Variants in NALCN observed in about 807,000 individuals in gnomAD.
NALCN encodes the protein sodium leak channel NALCN.
A neutral mutation model predicts 225.3 loss-of-function variants in NALCN; 111 were observed. The ratio of observed to expected loss-of-function variants is 0.49; its 90% confidence interval spans 0.42 to 0.58. The LOEUF is 0.58. Ranked by LOEUF, NALCN falls within the 20% of genes least tolerant of loss-of-function variation. NALCN has a pLI of 0.00. For missense variants in NALCN, 1,378 were observed against 2,202.4 expected (o/e 0.63, Z 7.49); for synonymous variants, 764 against 769.0 (o/e 0.99, Z 0.11).
At chr13:101,065,256 G>C (rs749642167) in intron 40 of NALCN, 148 bp downstream of exon 40, 4 of 808,850 alleles carry the variant, frequency 4.9e-6, no homozygotes, top group Non-Finnish European at 7.9e-6. Context: ...GGCACTTAGC[G>C]CCTGGGACAT....
At chr13:101,094,715 C>T (rs539301364) in intron 28 of NALCN, among the ~76,000 whole-genome samples, 104 of 152,056 alleles carry the variant, frequency 6.8e-4, no homozygotes, top group East Asian at 1.4e-3. Context: ...TATTGGATTA[C>T]GTATAAAAGC....
At chr13:101,166,043 T>A (rs1006687446) in intron 15 of NALCN, among the ~76,000 whole-genome samples, 2 of 152,242 alleles carry the variant, frequency 1.3e-5, no homozygotes, top group African/African-American at 4.8e-5. Context: ...CATGATGTCC[T>A]CAAGGTTCAT....
chr13:101,057,673 T>C, intron 43 of NALCN: 1 of 459,660 alleles, frequency 2.2e-6, no homozygotes, highest in East Asian at 4.5e-5. Context: ...TCCCTCTTGC[T>C]GAATCTTGTC....
chr13:101,387,389 G>A lies in NALCN; in HGVS notation c.291+7794C>T, dbSNP rs150300866. ...CTATTCCTTAGAAATATTTTAGATG[G>A]AAATCAGTGAATATTAAACATTTCA... On this transcript the variant is annotated intron_variant, in intron 3 of 43. Transcript: ENST00000251127. Among the ~76,000 whole-genome samples the A allele has an allele frequency of 6.3e-3, 960 of 152,154 alleles. 9 individuals are homozygous for A. Among genetic ancestry groups the A allele is most frequent in the African/African-American group, 0.022 (912 of 41,500 alleles).
At chr13:101,214,177 G>C (rs12877605) in intron 13 of NALCN, among the ~76,000 whole-genome samples, 31,086 of 151,828 alleles carry the variant, frequency 0.2, 3,359 homozygotes, top group East Asian at 0.37. Context: ...CCATCATTCT[G>C]AGCAAACTAT....
At chr13:101,160,176 G>T (rs146893553) in intron 15 of NALCN, among the ~76,000 whole-genome samples, 1 of 152,054 alleles carries the variant, frequency 6.6e-6, no homozygotes, top group South Asian at 2.1e-4. Flanking sequence ...GGATGGTCTC[G>T]ATCTCCTGAC....
chr13:101,083,878 C>T lies in NALCN; in HGVS notation c.3490-74G>A, dbSNP rs937673056. On this transcript the variant is annotated intron_variant, in intron 30 of 43. Coordinates refer to ENST00000251127, the MANE Select transcript of NALCN (RefSeq NM_052867.4). ...ACCAAGAACATGGCAGATGGGGTGC[C>T]GAGACAAACAGGACTGATGTGAGGG... 2.1e-5 allele frequency: 30 copies of T among 1,402,542 alleles called. No homozygotes were observed. In the East Asian group the frequency reaches 2.8e-4, roughly 13 times the overall value. 86.9% of individuals were successfully genotyped at this position (1,402,542 alleles called of 1,614,324 possible).
chr13:101,176,434 A>G, intron 14 of NALCN, 60 bp from the exon 15 acceptor site: 3 of 1,244,020 alleles, frequency 2.4e-6, no homozygotes. Context: ...AAAATATTAT[A>G]TGTATAATAT....
At chr13:101,293,586 T>G (rs898622229) in intron 7 of NALCN, among the ~76,000 whole-genome samples, 1 of 152,222 alleles carries the variant, frequency 6.6e-6, no homozygotes, top group Non-Finnish European at 1.5e-5. Flanking sequence ...TAAACTAGAA[T>G]GTGCATATGA....
In NALCN at chr13:101,242,996, G is replaced by A. The variant is rs1439235341; in HGVS notation, c.1267-5074C>T. On this transcript the variant is annotated intron_variant, in intron 11 of 43. Coordinates refer to ENST00000251127, the MANE Select transcript of NALCN (RefSeq NM_052867.4). ...GGGCTGAACAAGGTTACTTCTTTAT[G>A]CTTGCAACCTAGGAAGGTCACCAGG... is the stretch of plus-strand genomic sequence containing the variant. Among the ~76,000 whole-genome samples the A allele has an allele frequency of 3.8e-5, 4 of 104,434 alleles. 1 individual carries two copies. The East Asian group carries it at 9.7e-4, about 25-fold the overall frequency. 68.5% of individuals were successfully genotyped at this position (104,434 alleles called of 152,430 possible). A position where few individuals can be genotyped will look rare whatever the true frequency, so the allele number is the denominator to read the frequency against.
intron 37 of NALCN, 48 bp from the exon 38 acceptor site, chr13:101,068,875 C>T (rs1218918955): frequency 6.6e-7 from 1 of 1,513,856 alleles, no homozygotes; most frequent in Non-Finnish European, 8.8e-7. Context: ...GTAGAGAATA[C>T]AAATTTCTTT....
intron 10 of NALCN, among the ~76,000 whole-genome samples, chr13:101,278,144 A>G (rs2043024120): frequency 1.3e-5 from 2 of 152,190 alleles, no homozygotes; most frequent in Non-Finnish European, 1.5e-5. Flanking sequence ...CATTTTTTCT[A>G]ATTTATTTCA....
At chr13:101,337,156 T>G (rs544832262) in intron 7 of NALCN, among the ~76,000 whole-genome samples, 101 of 152,278 alleles carry the variant, frequency 6.6e-4, no homozygotes, top group African/African-American at 2.3e-3. Context: ...ACATATATTA[T>G]GCACCAACTC....
At chr13:101,214,084 A>C (rs1008974778) in intron 13 of NALCN, among the ~76,000 whole-genome samples, 6 of 152,226 alleles carry the variant, frequency 3.9e-5, no homozygotes, top group Non-Finnish European at 8.8e-5. Flanking sequence ...AAAATGTGGC[A>C]CATGTATACA....
At chr13:101,198,587 T>C (rs1176934648) in intron 13 of NALCN, among the ~76,000 whole-genome samples, 1 of 152,136 alleles carries the variant, frequency 6.6e-6, no homozygotes, top group Non-Finnish European at 1.5e-5. Context: ...AAAACCATAA[T>C]GAGATACTAT....
chr13:101,060,912 G>A (rs1231370644), intron 41 of NALCN, among the ~76,000 whole-genome samples: 1 of 152,162 alleles, frequency 6.6e-6, no homozygotes, highest in Non-Finnish European at 1.5e-5. Flanking sequence ...CTGGGCAGCT[G>A]GCCTTGCTAT....
intron 3 of NALCN, among the ~76,000 whole-genome samples, chr13:101,380,168 C>T (rs1351429457): frequency 6.6e-6 from 1 of 151,702 alleles, no homozygotes; most frequent in Non-Finnish European, 1.5e-5. Context: ...TCAGAAAATG[C>T]AAAATAACTG....
At chr13:101,416,727 C>G (rs1375824473), upstream of NALCN, among the ~76,000 whole-genome samples, 1 of 151,972 alleles carries the variant, frequency 6.6e-6, no homozygotes, top group African/African-American at 2.4e-5. Flanking sequence ...CACCCGCAGT[C>G]AGTCTCACAG....
chr13:101,184,612 T>C (rs1020432862), intron 14 of NALCN, among the ~76,000 whole-genome samples: 7 of 152,248 alleles, frequency 4.6e-5, no homozygotes, highest in African/African-American at 1.7e-4. Context: ...AATTATTTCT[T>C]CCAATTTTGT....
Sources: allele counts gnomAD v4.1 joint callset (sites outside exome capture counted in the v4.1 genomes callset), GRCh38; gene constraint gnomAD v4.1.1; transcripts MANE v1.5; gene names NCBI Gene and HGNC (gene_info 2026-07-23, HGNC 2026-07-21).